The following CSPP1 variants were observed in gnomAD, a reference collection of about 807,000 sequenced individuals.
CSPP1 encodes the protein centrosome and spindle pole associated protein 1, also known as centrosome and spindle pole-associated protein 1.
Under a neutral mutation model 164.4 loss-of-function variants are expected in CSPP1, and 126 were observed. The ratio of observed to expected loss-of-function variants is 0.77; its 90% CI spans 0.66 to 0.89. CSPP1 has a LOEUF of 0.89. Among genes scored for constraint, CSPP1 ranks in the 40% least tolerant of loss-of-function variants. CSPP1 has a pLI of 0.00. For synonymous variants in CSPP1, 472 were observed against 476.7 expected, an observed-to-expected ratio of 0.99 and a Z score of 0.13; for missense variants, 1,395 against 1,449.8, an observed-to-expected ratio of 0.96 and a Z score of 0.61.
At position 67,154,072 on chromosome 8, in the gene CSPP1, G is replaced by T; in HGVS notation, c.2177G>T (p.Gly726Val). The change falls in exon 19 of 31, where the codon GGT becomes GTT. Residue 726 changes from glycine to valine, a missense_variant. Gly to Val is a moderately radical substitution (Grantham distance 109). Coordinates refer to ENST00000678616, the MANE Select transcript of CSPP1 (RefSeq NM_001382391.1). Reference protein sequence around the residue: ...SSPFARGNVFGEPPTELQIKQ... With the variant: ...SSPFARGNVFVEPPTELQIKQ... ...CCTTTTGCTCGGGGAAATGTATTTG[G>T]TGAGCCTCCAACTGAACTTCAGATT... 1 of 1,607,628 alleles carries T rather than the reference G, an allele frequency of 6.2e-7. No homozygotes were observed. The highest frequency in any genetic ancestry group is 8.5e-7 in the Non-Finnish European group (1 of 1,174,982).
At position 67,134,883 on chromosome 8, in the gene CSPP1, G is replaced by A. The variant is rs377236480; in HGVS notation, c.1828-2573G>A. The stretch of plus-strand genomic sequence containing the variant: ...CGGCTGATTTAGCATCATTCTTAAG[G>A]GCCCTAAGGTTTTCAGAATGGTATA... On this transcript the variant is annotated intron_variant, in intron 16 of 30. Transcript: ENST00000678616. The A allele has an allele frequency of 2.0e-5, 3 of 151,978 alleles. No homozygotes were observed. The East Asian group carries it at 5.8e-4, about 29-fold the overall frequency. The allele number at this position is 151,978 out of a possible 1,614,324, so 9.4% of individuals were successfully genotyped here.
Position 67,195,648 on chromosome 8 carries a change from C to T in CSPP1, c.*55C>T, listed in dbSNP as rs567275883. The T allele has an allele frequency of 1.3e-6, 2 of 1,487,882 alleles. No homozygotes were observed. The highest frequency in any genetic ancestry group is 2.8e-5 in the African/African-American group (2 of 72,314). 92.2% of individuals were successfully genotyped at this position (1,487,882 alleles called of 1,614,324 possible). ...TTTTAAGGTGAAAGGAATGGTAAAT[C>T]TGTACCTTTAATATGTCCTACTTTT... On this transcript the variant is annotated 3_prime_UTR_variant, in exon 31 of 31. Transcript: ENST00000678616.
At chr8:67,091,662 G>T in intron 4 of CSPP1, 141 bp from the exon 5 acceptor site, 1 of 276,872 alleles carries the variant, frequency 3.6e-6, no homozygotes, top group South Asian at 3.5e-5. Flanking sequence ...TAGATTTGTA[G>T]TTTCTGTCTT....
intron 21 of CSPP1, among the ~76,000 whole-genome samples, chr8:67,159,976 C>CTT (rs767102859): frequency 1.7e-5 from 1 of 57,540 alleles, no homozygotes; most frequent in Non-Finnish European, 2.8e-5. Context: ...CTTTTCTTTT[C>CTT]TTTTCTTTTC....
At chr8:67,090,684 T>G (rs941815547) in intron 4 of CSPP1, among the ~76,000 whole-genome samples, 2 of 152,228 alleles carry the variant, frequency 1.3e-5, no homozygotes, top group Admixed American at 1.3e-4. Context: ...TGTTTTGCGG[T>G]TATTTGCTTA....
At chr8:67,163,852 A>T in intron 23 of CSPP1, 54 bp downstream of exon 23, 1 of 1,352,668 alleles carries the variant, frequency 7.4e-7, no homozygotes. Context: ...TTAACTTTTC[A>T]TTTTGAAATA....
rs114550911 is a variant in CSPP1, at chr8:67,196,012, A to C, written c.*419A>C. ...AGTAGGTACATCTATTGTAGCTGTG[A>C]TTATTCCAGTTTCTGTGTGATGCAA... On this transcript the variant is annotated 3_prime_UTR_variant, in exon 31 of 31. Coordinates refer to ENST00000678616, the MANE Select transcript of CSPP1 (RefSeq NM_001382391.1). 2,305 of 160,092 alleles carry C rather than the reference A, an allele frequency of 0.014. 60 individuals carry two copies. The highest frequency in any genetic ancestry group is 0.053 in the African/African-American group (2,213 of 41,562). 9.9% of individuals were successfully genotyped at this position (160,092 alleles called of 1,614,324 possible). A position where few individuals can be genotyped will look rare whatever the true frequency, so the allele number is the denominator to read the frequency against.
At chr8:67,114,837 T>G (rs1170831053) in intron 12 of CSPP1, 2 of 152,240 alleles carry the variant, frequency 1.3e-5, no homozygotes, top group African/African-American at 4.8e-5. Flanking sequence ...ATCTTTGAAT[T>G]GAAGCTCCTA....
At chr8:67,154,572 T>G (rs868433398) in intron 19 of CSPP1, among the ~76,000 whole-genome samples, 1 of 151,942 alleles carries the variant, frequency 6.6e-6, no homozygotes, top group Non-Finnish European at 1.5e-5. Context: ...TTCACCGTAT[T>G]AGCCAGGATG....
chr8:67,156,667 A>G (rs957487638), intron 19 of CSPP1, among the ~76,000 whole-genome samples: 1 of 152,210 alleles, frequency 6.6e-6, no homozygotes, highest in Non-Finnish European at 1.5e-5. Flanking sequence ...ATATTATGAA[A>G]TGTTCAAATC....
At chr8:67,083,344 C>G (rs1809602581) in intron 3 of CSPP1, among the ~76,000 whole-genome samples, 1 of 150,998 alleles carries the variant, frequency 6.6e-6, no homozygotes, top group African/African-American at 2.4e-5. Flanking sequence ...CCAGCCTGGC[C>G]AATATGGTGA....
At chr8:67,104,966 ATTTTTT>A (rs1166551719) in intron 8 of CSPP1, among the ~76,000 whole-genome samples, 1 of 60,740 alleles carries the variant, frequency 1.6e-5, no homozygotes, top group Non-Finnish European at 3.0e-5. Context: ...ATATATATAT[ATTTTTT>A]TTTTTTTTTT....
At chr8:67,158,877 C>A in intron 20 of CSPP1, 114 bp from the exon 21 acceptor site, 1 of 975,592 alleles carries the variant, frequency 1.0e-6, no homozygotes, top group Non-Finnish European at 1.5e-6. Context: ...TAAAGAACAC[C>A]ATATCATGTC....
chr8:67,085,778 G>T (rs1450232625), intron 3 of CSPP1, among the ~76,000 whole-genome samples: 1 of 152,036 alleles, frequency 6.6e-6, no homozygotes, highest in Non-Finnish European at 1.5e-5. Context: ...TGTTGTTCTG[G>T]ACAGGAGAAC....
intron 19 of CSPP1, 137 bp downstream of exon 19, chr8:67,154,273 A>G: frequency 3.7e-6 from 2 of 545,926 alleles, no homozygotes. Context: ...ATCAGATCAG[A>G]TATCAGTAGT....
At chr8:67,087,207 T>C (rs1810592086) in intron 4 of CSPP1, among the ~76,000 whole-genome samples, 1 of 152,150 alleles carries the variant, frequency 6.6e-6, no homozygotes, top group Admixed American at 6.5e-5. Flanking sequence ...AGTAGTAGAA[T>C]ATCCAAGATA....
At chr8:67,077,393 TGGCACGATCTCGGCTCACTGCCGC>T (rs1242267661) in intron 3 of CSPP1, among the ~76,000 whole-genome samples, 1 of 152,094 alleles carries the variant, frequency 6.6e-6, no homozygotes, top group Non-Finnish European at 1.5e-5. Flanking sequence ...TGGAGTGCAG[TGGCACGATCTCGGCTCACTGCCGC>T]CTCCACCTCC....
In CSPP1 at chr8:67,064,541, G is replaced by A. The variant is rs1471592473; in HGVS notation, c.-11+3G>A. On this transcript the variant is annotated splice_donor_region_variant and intron_variant, in intron 1 of 30. Coordinates refer to ENST00000678616, the MANE Select transcript of CSPP1 (RefSeq NM_001382391.1). ...GGATGGGGAGCGTGAGTGGCGAGGT[G>A]TGGCCTGGGGTGGTGTAGGTTGAGG... 1 of 1,602,944 alleles carries A rather than the reference G, an allele frequency of 6.2e-7. No homozygotes were observed. Among genetic ancestry groups the A allele is most frequent in the African/African-American group, 1.3e-5 (1 of 74,878 alleles).
chr8:67,071,671 A>G (rs1249329303), intron 1 of CSPP1, among the ~76,000 whole-genome samples: 2 of 152,194 alleles, frequency 1.3e-5, no homozygotes, highest in Non-Finnish European at 2.9e-5. Flanking sequence ...CCAAGATTCT[A>G]TCCACATTTA....
Sources: allele counts gnomAD v4.1 joint callset (sites outside exome capture counted in the v4.1 genomes callset), GRCh38; gene constraint gnomAD v4.1.1; transcripts MANE v1.5; gene names NCBI Gene and HGNC (gene_info 2026-07-23, HGNC 2026-07-21).